The following KCNQ5 variants were observed in gnomAD, a reference collection of about 807,000 sequenced individuals.
The protein encoded by KCNQ5 is potassium voltage-gated channel subfamily Q member 5.
Under a neutral mutation model 98.2 loss-of-function variants are expected in KCNQ5, and 30 were observed. The ratio of observed to expected loss-of-function variants is 0.31; its 90% confidence interval spans 0.23 to 0.41. The LOEUF is 0.41. KCNQ5 is among the 10% of genes least tolerant of loss of function. The pLI, the probability that KCNQ5 is intolerant of heterozygous loss-of-function variation, is 1.00. For synonymous variants in KCNQ5, 458 were observed against 449.4 expected (o/e 1.02, Z -0.24); for missense variants, 835 against 1,182.5 (o/e 0.71, Z 4.31).
At position 72,775,258 on chromosome 6, in the gene KCNQ5, A is replaced by C. The variant is rs182394362; in HGVS notation, c.398+152671A>C. ...CATGGATGAATGTCACCTTACCTCCACCTCCCCCAAAAAATATTGAGTGAA... is the reference window on the plus strand; with the variant it reads ...CATGGATGAATGTCACCTTACCTCCCCCTCCCCCAAAAAATATTGAGTGAA... On this transcript the variant is annotated intron_variant, in intron 1 of 13. Transcript: ENST00000370398. 1.3e-4 allele frequency among the ~76,000 whole-genome samples: 20 copies of C among 152,058 alleles called. No homozygotes were observed. In the East Asian group the frequency reaches 3.5e-3, roughly 26 times the overall value.
chr6:72,764,125 C>G (rs1772433168), intron 1 of KCNQ5, among the ~76,000 whole-genome samples: 1 of 151,742 alleles, frequency 6.6e-6, no homozygotes, highest in African/African-American at 2.4e-5. Flanking sequence ...TTGCCAAGGT[C>G]ATACTTAGAA....
At chr6:73,127,829 A>G (rs2150449075) in intron 9 of KCNQ5, among the ~76,000 whole-genome samples, 1 of 152,330 alleles carries the variant, frequency 6.6e-6, no homozygotes, top group Admixed American at 6.5e-5. Context: ...TTGGGAGGCC[A>G]AAGAGAGTGG....
chr6:72,758,786 T>A (rs1772104427), intron 1 of KCNQ5, among the ~76,000 whole-genome samples: 1 of 152,188 alleles, frequency 6.6e-6, no homozygotes, highest in Non-Finnish European at 1.5e-5. Context: ...AACATTTTCA[T>A]TAGTTTACCA....
At chr6:72,974,571 G>T (rs1768066646) in intron 1 of KCNQ5, among the ~76,000 whole-genome samples, 1 of 152,054 alleles carries the variant, frequency 6.6e-6, no homozygotes, top group Non-Finnish European at 1.5e-5. Context: ...CTAAATAGAA[G>T]CATTGACATC....
chr6:72,946,760 T>C (rs1039264621), intron 1 of KCNQ5, among the ~76,000 whole-genome samples: 5 of 152,222 alleles, frequency 3.3e-5, no homozygotes, highest in African/African-American at 1.2e-4. Flanking sequence ...TTTCTGTTAA[T>C]TATAACTTGA....
chr6:73,030,954 TG>T (rs1771117523), intron 2 of KCNQ5, among the ~76,000 whole-genome samples: 1 of 152,234 alleles, frequency 6.6e-6, no homozygotes, highest in South Asian at 2.1e-4. Context: ...TTTGCTTTCC[TG>T]GTTACTGAGT....
intron 1 of KCNQ5, among the ~76,000 whole-genome samples, chr6:72,624,992 C>CCTGGA (rs1345294460): frequency 2.6e-5 from 4 of 152,164 alleles, no homozygotes; most frequent in African/African-American, 7.2e-5. Context: ...GTGTAACTAA[C>CCTGGA]TAATTCCCTG....
chr6:72,919,928 G>A (rs1224790583), intron 1 of KCNQ5, among the ~76,000 whole-genome samples: 2 of 152,162 alleles, frequency 1.3e-5, no homozygotes, highest in African/African-American at 2.4e-5. Flanking sequence ...AAGCCCAGCA[G>A]TTGTCCACTA....
In KCNQ5 at chr6:72,925,758, A is replaced by C. The variant is rs374321511; in HGVS notation, c.399-78150A>C. Among the ~76,000 whole-genome samples, 23 of 152,294 alleles carry C rather than the reference A, an allele frequency of 1.5e-4. No homozygotes were observed. In the East Asian group the frequency reaches 4.2e-3, roughly 28 times the overall value. ...AAGGATTGTTCTGGGTAGAAAGAACAACTTGTGTGAGGGAGGAGCTTGCTT... is the reference window on the plus strand; with the variant it reads ...AAGGATTGTTCTGGGTAGAAAGAACCACTTGTGTGAGGGAGGAGCTTGCTT... On this transcript the variant is annotated intron_variant, in intron 1 of 13. Coordinates refer to ENST00000370398, the MANE Select transcript of KCNQ5 (RefSeq NM_019842.4).
intron 1 of KCNQ5, among the ~76,000 whole-genome samples, chr6:72,981,786 G>A (rs1465029100): frequency 6.6e-6 from 1 of 152,142 alleles, no homozygotes; most frequent in Non-Finnish European, 1.5e-5. Flanking sequence ...GCTTTCTCTT[G>A]TGGGCATTTA....
At chr6:73,128,243 T>A (rs1477252902) in intron 9 of KCNQ5, among the ~76,000 whole-genome samples, 1 of 152,344 alleles carries the variant, frequency 6.6e-6, no homozygotes, top group East Asian at 1.9e-4. Context: ...AATCATAAAA[T>A]ACTTCTTTAG....
intron 10 of KCNQ5, among the ~76,000 whole-genome samples, chr6:73,140,732 T>A (rs1186422010): frequency 5.9e-5 from 9 of 152,250 alleles, no homozygotes; most frequent in Non-Finnish European, 1.5e-5. Context: ...TGCAAAACCC[T>A]ACAAAGGGTA....
chr6:72,992,712 C>A, intron 1 of KCNQ5, among the ~76,000 whole-genome samples: 1 of 98,658 alleles, frequency 1.0e-5, no homozygotes, highest in Non-Finnish European at 1.9e-5. Context: ...ATGATGTTAG[C>A]TGGTGATTTT....
intron 6 of KCNQ5, among the ~76,000 whole-genome samples, chr6:73,108,583 T>C (rs907941100): frequency 2.0e-5 from 3 of 152,180 alleles, no homozygotes; most frequent in African/African-American, 4.8e-5. Context: ...TCCCAGCACT[T>C]TGGGAGGCCG....
chr6:72,669,064 A>G (rs1003610058), intron 1 of KCNQ5, among the ~76,000 whole-genome samples: 1 of 152,070 alleles, frequency 6.6e-6, no homozygotes, highest in Non-Finnish European at 1.5e-5. Context: ...TGCAAAATGC[A>G]TTCATTCCAT....
At chr6:72,784,542 C>A (rs116591739) in intron 1 of KCNQ5, among the ~76,000 whole-genome samples, 25 of 152,234 alleles carry the variant, frequency 1.6e-4, no homozygotes, top group African/African-American at 6.0e-4. Flanking sequence ...ATTTTCCCCA[C>A]ACAATATAAA....
chr6:72,960,704 G>A (rs562901641), intron 1 of KCNQ5, among the ~76,000 whole-genome samples: 2 of 152,206 alleles, frequency 1.3e-5, no homozygotes, highest in Non-Finnish European at 2.9e-5. Flanking sequence ...GGGATTACAG[G>A]TGTGAGCCAC....
chr6:72,854,721 T>TACAC (rs59899899), intron 1 of KCNQ5, among the ~76,000 whole-genome samples: 1,277 of 126,824 alleles, frequency 0.01, 23 homozygotes, highest in African/African-American at 0.035. Flanking sequence ...TCTTTCTTTG[T>TACAC]ACACACACAC....
At chr6:73,129,650 A>T in intron 9 of KCNQ5, 1 of 640,612 alleles carries the variant, frequency 1.6e-6, no homozygotes, top group East Asian at 2.9e-5. Flanking sequence ...TAAACAACAT[A>T]GTACTCTCTG....
Sources: allele counts gnomAD v4.1 joint callset (sites outside exome capture counted in the v4.1 genomes callset), GRCh38; gene constraint gnomAD v4.1.1; transcripts MANE v1.5; gene names NCBI Gene and HGNC (gene_info 2026-07-23, HGNC 2026-07-21).